TG: variants seen among roughly 807,000 people sequenced by gnomAD.
The protein encoded by TG is thyroid hormones.
In TG, 270 loss-of-function variants were observed where a neutral mutation model predicts 324.7. The ratio of observed to expected loss-of-function variants is 0.83; its 90% CI spans 0.75 to 0.92. The LOEUF is 0.92. TG is among the 40% of genes least tolerant of loss of function. The pLI, the probability that TG is intolerant of heterozygous loss-of-function variation, is 0.00. For missense variants in TG, 3,591 were observed against 3,456.4 expected, an observed-to-expected ratio of 1.04 and a Z score of -0.98; for synonymous variants, 1,401 against 1,327.0, an observed-to-expected ratio of 1.06 and a Z score of -1.21.
rs375837893 is a variant in TG, at chr8:132,972,648, A to T, written c.6106A>T (p.Ser2036Cys). 6.2e-6 allele frequency: 10 copies of T among 1,610,254 alleles called. No homozygotes were observed. The highest frequency in any genetic ancestry group is 1.7e-4 in the Middle Eastern group (1 of 6,040). Reference protein sequence around the residue: ...TLNSLGIQMCSEENGGAWRIL... With the variant: ...TLNSLGIQMCCEENGGAWRIL... ...GAACAGCTTGGGAATTCAGATGTGC[A>T]GTGAGGAGAATGGAGGAGCCTGGCG... Residue 2036 changes from serine (S) to cysteine (C), a missense_variant, in exon 34 of 48, where the codon AGT becomes TGT. Coordinates refer to ENST00000220616, the MANE Select transcript of TG (RefSeq NM_003235.5).
chr8:133,065,391 G>C (rs1237312559), intron 41 of TG, among the ~76,000 whole-genome samples: 1 of 152,230 alleles, frequency 6.6e-6, no homozygotes, highest in Admixed American at 6.5e-5. Context: ...CTCGCCACCA[G>C]TGCTGCCCTG....
Position 133,095,227 on chromosome 8 carries a change from G to A in TG, c.7404+19G>A. 1 of 1,614,210 alleles carries A rather than the reference G, an allele frequency of 6.2e-7. No individual in the cohort carries two copies. The highest frequency in any genetic ancestry group is 8.5e-7 in the Non-Finnish European group (1 of 1,180,034). On this transcript the variant is annotated intron_variant, in intron 42 of 47. Transcript: ENST00000220616. ...GACCAAGGTGAGCACTTAAGTGCAA[G>A]TTGGGAAGGGACATTCTCTGGTCTT...
chr8:133,082,643 C>A (rs567881272), intron 41 of TG, among the ~76,000 whole-genome samples: 2 of 152,326 alleles, frequency 1.3e-5, no homozygotes, highest in Non-Finnish European at 2.9e-5. Context: ...CTCTTAAACA[C>A]TCTGCCCTGG....
At chr8:133,084,485 A>T (rs926744306) in intron 41 of TG, among the ~76,000 whole-genome samples, 2 of 152,246 alleles carry the variant, frequency 1.3e-5, no homozygotes, top group Admixed American at 6.5e-5. Context: ...GCTATCACTC[A>T]TGGTGTCACT....
intron 41 of TG, among the ~76,000 whole-genome samples, chr8:133,060,974 C>T (rs1334904816): frequency 6.6e-6 from 1 of 152,212 alleles, no homozygotes; most frequent in Non-Finnish European, 1.5e-5. Flanking sequence ...TGGCTGTGTA[C>T]TTACAAGCTA....
At chr8:132,934,456 T>G (rs867816431) in intron 24 of TG, among the ~76,000 whole-genome samples, 1 of 152,240 alleles carries the variant, frequency 6.6e-6, no homozygotes, top group African/African-American at 2.4e-5. Flanking sequence ...TTTCATGTGG[T>G]ACCATCAAAT....
intron 45 of TG, among the ~76,000 whole-genome samples, chr8:133,121,411 C>T (rs1228806010): frequency 6.6e-6 from 1 of 152,120 alleles, no homozygotes; most frequent in Non-Finnish European, 1.5e-5. Context: ...CCAGGTTATT[C>T]AGTTTAGAAA....
At chr8:132,916,959 T>C (rs1248241855) in intron 20 of TG, among the ~76,000 whole-genome samples, 4 of 151,906 alleles carry the variant, frequency 2.6e-5, no homozygotes, top group Non-Finnish European at 5.9e-5. Flanking sequence ...CTTTCCTTCC[T>C]TCCTTACTTC....
chr8:133,079,310 A>G (rs1022097874), intron 41 of TG, among the ~76,000 whole-genome samples: 2 of 152,194 alleles, frequency 1.3e-5, no homozygotes, highest in Non-Finnish European at 2.9e-5. Flanking sequence ...GGCCCAGACT[A>G]ATGACCATAG....
In TG at chr8:133,026,316, T is replaced by C. The variant is rs115709044; in HGVS notation, c.7037-3505T>C. Among the ~76,000 whole-genome samples, 410 of 152,318 alleles carry C rather than the reference T, an allele frequency of 2.7e-3. 4 individuals are homozygous for C. The highest frequency in any genetic ancestry group is 9.5e-3 in the African/African-American group (395 of 41,564). On this transcript the variant is annotated intron_variant, in intron 40 of 47. Transcript: ENST00000220616. The stretch of plus-strand genomic sequence containing the variant: ...ACCAGAGGAAAACGAAAGCAGAAGC[T>C]CGTGCCAGTCCTGAGGCCCACTAGA...
At position 132,919,434 on chromosome 8, in the gene TG, A is replaced by T; in HGVS notation, c.4437A>T (p.Gly1479=). 6.2e-7 allele frequency: 1 copy of T among 1,614,142 alleles called. No individual in the cohort carries two copies. The highest frequency in any genetic ancestry group is 8.5e-7 in the Non-Finnish European group (1 of 1,180,022). Residue 1479 remains glycine, a synonymous_variant, in exon 21 of 48, where the codon GGA becomes GGT. Coordinates refer to ENST00000220616, the MANE Select transcript of TG (RefSeq NM_003235.5). ...AGGAATGCATTCCTTGTCCTGTTGG[A>T]TTCTACCAAGAACAGGCAGGGAGCT... ...QDEECIPCPV[G]FYQEQAGSLA... is the part of the protein sequence containing the mutation.
intron 34 of TG, among the ~76,000 whole-genome samples, chr8:132,977,938 TG>T (rs1302479328): frequency 6.6e-6 from 1 of 152,240 alleles, no homozygotes; most frequent in African/African-American, 2.4e-5. Context: ...TAGAAGTCCC[TG>T]CCCACAAAGG....
At chr8:132,951,759 G>A (rs1230093100) in intron 27 of TG, among the ~76,000 whole-genome samples, 2 of 152,264 alleles carry the variant, frequency 1.3e-5, no homozygotes, top group East Asian at 1.9e-4. Context: ...GAAGGCAACA[G>A]GGCACAGATA....
chr8:132,888,289 G>C lies in TG; in HGVS notation c.2482G>C (p.Gly828Arg). Residue 828 changes from glycine (G) to arginine (R), a missense_variant, in exon 10 of 48, where the codon GGC becomes CGC. Physicochemically the swap from Gly to Arg is moderately radical, Grantham distance 125. Transcript: ENST00000220616. ...SLFIQSLYEA[G>R]QQDVFPVLSQ... ...CTTTATTCAAAGTCTGTATGAGGCT[G>C]GCCAGCAAGATGTCTTCCCGGTGCT... 1 of 1,614,202 alleles carries C rather than the reference G, an allele frequency of 6.2e-7. No individual in the cohort carries two copies. The highest frequency in any genetic ancestry group is 2.2e-5 in the East Asian group (1 of 44,876).
intron 5 of TG, among the ~76,000 whole-genome samples, chr8:132,880,032 A>G (rs1184891021): frequency 6.6e-6 from 1 of 152,244 alleles, no homozygotes; most frequent in African/African-American, 2.4e-5. Context: ...TGTGTCATCA[A>G]CATCTATGAG....
At chr8:132,891,048 G>A (rs1176287378) in intron 10 of TG, among the ~76,000 whole-genome samples, 1 of 152,188 alleles carries the variant, frequency 6.6e-6, no homozygotes, top group Non-Finnish European at 1.5e-5. Flanking sequence ...GTAATAAATG[G>A]CAATGGTGGA....
At chr8:133,050,844 G>A (rs747788971) in intron 41 of TG, 6 of 1,612,822 alleles carry the variant, frequency 3.7e-6, no homozygotes, top group Admixed American at 1.7e-5. Context: ...TTCTCCCCTC[G>A]GCGGAATATC....
At chr8:133,072,503 A>G (rs1315861553) in intron 41 of TG, among the ~76,000 whole-genome samples, 1 of 152,186 alleles carries the variant, frequency 6.6e-6, no homozygotes, top group Non-Finnish European at 1.5e-5. Flanking sequence ...TATGAACAGG[A>G]CCCTTGGGCT....
intron 4 of TG, 148 bp from the exon 5 acceptor site, chr8:132,872,914 A>G: frequency 4.6e-6 from 4 of 867,180 alleles, no homozygotes; most frequent in South Asian, 3.1e-5. Flanking sequence ...AGTACACTCT[A>G]TGATGTTCAC....
Sources: allele counts gnomAD v4.1 joint callset (sites outside exome capture counted in the v4.1 genomes callset), GRCh38; gene constraint gnomAD v4.1.1; transcripts MANE v1.5; gene names NCBI Gene and HGNC (gene_info 2026-07-23, HGNC 2026-07-21).